Variants in HEG1 observed in about 807,000 individuals in gnomAD.
The protein encoded by HEG1 is protein HEG homolog 1.
HEG1 carries 56 observed loss-of-function variants against 125.6 expected under a neutral mutation model. The observed-to-expected ratio is 0.45, with a 90% confidence interval of 0.36 to 0.56. HEG1 has a LOEUF of 0.56. HEG1 is among the 20% of genes least tolerant of loss of function. The pLI is 0.00. For missense variants in HEG1, 1,523 were observed against 1,670.0 expected (o/e 0.91, Z 1.53); for synonymous variants, 644 against 668.5 (o/e 0.96, Z 0.57).
chr3:124,978,387 T>C (rs1017075090), intron 14 of HEG1, among the ~76,000 whole-genome samples: 2 of 152,266 alleles, frequency 1.3e-5, no homozygotes, highest in South Asian at 2.1e-4. Flanking sequence ...GACCTCTTGA[T>C]CCACCTGCCT....
At position 125,012,768 on chromosome 3, in the gene HEG1, G is replaced by A; in HGVS notation, c.2811C>T (p.Tyr937=). The part of the protein sequence containing the change: ...MTTKLGVTAE[Y]SPASRSLGTS... ...TTCCGAGGGAACGTGAAGCTGGGCT[G>A]TACTCTGCTGTAACGCCAAGCTTTG... The change falls in exon 6 of 17, where the codon TAC becomes TAT. Residue 937 remains tyrosine (Y), a synonymous_variant. Transcript: ENST00000311127. 6.2e-7 allele frequency: 1 copy of A among 1,614,056 alleles called. No individual in the cohort carries two copies. The highest frequency in any genetic ancestry group is 8.5e-7 in the Non-Finnish European group (1 of 1,179,904).
intron 16 of HEG1, chr3:124,971,135 C>CA: frequency 4.1e-6 from 2 of 487,312 alleles, no homozygotes; most frequent in South Asian, 1.5e-5. Flanking sequence ...AGTTGGATCT[C>CA]AAAAAAAGGC....
At chr3:125,006,817 T>A (rs1197082551) in intron 8 of HEG1, among the ~76,000 whole-genome samples, 1 of 152,226 alleles carries the variant, frequency 6.6e-6, no homozygotes, top group Non-Finnish European at 1.5e-5. Flanking sequence ...TGTGGAACCC[T>A]CTGCACGCAG....
intron 6 of HEG1, among the ~76,000 whole-genome samples, chr3:125,011,084 C>A (rs920318557): frequency 6.6e-6 from 1 of 152,136 alleles, no homozygotes; most frequent in Admixed American, 6.5e-5. Flanking sequence ...ACATATTGTG[C>A]CATATTTAGA....
intron 9 of HEG1, among the ~76,000 whole-genome samples, chr3:125,004,818 C>T (rs1937050134): frequency 6.6e-6 from 1 of 152,148 alleles, no homozygotes; most frequent in South Asian, 2.1e-4. Context: ...CCTAGGACAT[C>T]AGGATTAACT....
chr3:125,042,244 A>G (rs1937599326), intron 1 of HEG1, among the ~76,000 whole-genome samples: 1 of 152,196 alleles, frequency 6.6e-6, no homozygotes, highest in Admixed American at 6.5e-5. Flanking sequence ...CCTGGCCAAC[A>G]TGGCAAAACC....
chr3:124,988,235 T>C (rs1197330722), intron 14 of HEG1, among the ~76,000 whole-genome samples: 1 of 151,668 alleles, frequency 6.6e-6, no homozygotes, highest in Non-Finnish European at 1.5e-5. Flanking sequence ...GGCATAGATA[T>C]CCTCCTAAAC....
intron 14 of HEG1, among the ~76,000 whole-genome samples, chr3:124,982,394 A>T (rs1338523580): frequency 6.6e-6 from 1 of 152,216 alleles, no homozygotes; most frequent in African/African-American, 2.4e-5. Flanking sequence ...TCCTAGCTTT[A>T]GAGGTGCTCT....
At chr3:124,980,780 C>T (rs772690779) in intron 14 of HEG1, among the ~76,000 whole-genome samples, 8 of 151,758 alleles carry the variant, frequency 5.3e-5, no homozygotes, top group Non-Finnish European at 1.2e-4. Flanking sequence ...CGGCCTCCCA[C>T]GGTGCTGGGA....
chr3:124,970,799 A>T lies in HEG1; in HGVS notation c.3999T>A (p.Pro1333=), dbSNP rs755985532. ...CAAGTTCTGGATTCCTTACACTTGTAGGCTGGTTGCCAAAGAGAAAAGAAG... is the reference window on the plus strand; with the variant it reads ...CAAGTTCTGGATTCCTTACACTTGTTGGCTGGTTGCCAAAGAGAAAAGAAG... ...LLQMTDVYYS[P]TSVRNPELER... Residue 1333 remains proline (P), a splice_region_variant and synonymous_variant, in exon 17 of 17, where the codon CCT becomes CCA. Coordinates refer to ENST00000311127, the MANE Select transcript of HEG1 (RefSeq NM_020733.2). The T allele has an allele frequency of 4.7e-5, 75 of 1,607,080 alleles. No individual in the cohort carries two copies. The Middle Eastern group carries it at 4.9e-4, about 11-fold the overall frequency.
At chr3:125,010,639 T>G in intron 6 of HEG1, 84 bp from the exon 7 acceptor site, 1 of 823,624 alleles carries the variant, frequency 1.2e-6, no homozygotes, top group Non-Finnish European at 1.9e-6. Context: ...TTCTCCCAGC[T>G]AATATTTGAT....
intron 14 of HEG1, among the ~76,000 whole-genome samples, chr3:124,989,216 T>A (rs1185464396): frequency 1.3e-5 from 2 of 152,238 alleles, no homozygotes; most frequent in Non-Finnish European, 2.9e-5. Context: ...ATTTCATTAT[T>A]TTTATTTTTT....
chr3:125,035,047 C>T (rs1028467688), intron 1 of HEG1, among the ~76,000 whole-genome samples: 1 of 152,148 alleles, frequency 6.6e-6, no homozygotes, highest in Admixed American at 6.5e-5. Context: ...TCACTGCAGC[C>T]TCCACATCCT....
At chr3:125,018,391 C>G (rs1937285285) in intron 5 of HEG1, among the ~76,000 whole-genome samples, 1 of 152,114 alleles carries the variant, frequency 6.6e-6, no homozygotes. Flanking sequence ...GAGTTGACTG[C>G]TGATGAGTTT....
intron 14 of HEG1, 127 bp downstream of exon 14, chr3:124,990,660 C>T: frequency 6.8e-6 from 6 of 883,732 alleles, no homozygotes; most frequent in Non-Finnish European, 8.8e-6. Flanking sequence ...TTCCCCCATG[C>T]CATTGGCATA....
chr3:125,043,345 C>T (rs1017927246), intron 1 of HEG1, among the ~76,000 whole-genome samples: 11 of 152,114 alleles, frequency 7.2e-5, no homozygotes, highest in Non-Finnish European at 1.5e-4. Context: ...AGGGATACAG[C>T]CTATCCCAGC....
rs769377458 is a variant in HEG1, at chr3:125,029,179, A to G, written c.610+16T>C. 14 of 1,606,644 alleles carry G rather than the reference A, an allele frequency of 8.7e-6. No homozygotes were observed. The East Asian group carries it at 3.1e-4, about 36-fold the overall frequency. On this transcript the variant is annotated intron_variant, in intron 2 of 16. Transcript: ENST00000311127. ...GACACACATGCGTGAAATGCGCATCATCAGCACAAGCTCACCTAAGTTGCC... is the reference window on the plus strand; with the variant it reads ...GACACACATGCGTGAAATGCGCATCGTCAGCACAAGCTCACCTAAGTTGCC...
At chr3:124,974,397 TC>T (rs1394937399) in intron 15 of HEG1, among the ~76,000 whole-genome samples, 1 of 152,070 alleles carries the variant, frequency 6.6e-6, no homozygotes, top group Non-Finnish European at 1.5e-5. Flanking sequence ...ATGGGGCAGC[TC>T]CAACTCAGTA....
intron 1 of HEG1, among the ~76,000 whole-genome samples, chr3:125,048,366 A>C (rs1937713304): frequency 6.6e-6 from 1 of 152,158 alleles, no homozygotes; most frequent in East Asian, 1.9e-4. Flanking sequence ...CCTCCTTACC[A>C]TGGTCCTCAT....
Sources: allele counts gnomAD v4.1 joint callset (sites outside exome capture counted in the v4.1 genomes callset), GRCh38; gene constraint gnomAD v4.1.1; transcripts MANE v1.5; gene names NCBI Gene and HGNC (gene_info 2026-07-23, HGNC 2026-07-21).